Variants in TRMT9B observed in about 807,000 individuals in gnomAD.
TRMT9B encodes the protein probable tRNA methyltransferase 9B.
Under a neutral mutation model 11.5 loss-of-function variants are expected in TRMT9B, and 16 were observed. That is an observed-to-expected ratio of 1.39 (90% confidence interval 0.94 to 2.11). The LOEUF is 2.11. TRMT9B is among the 30% of genes most tolerant of loss of function. TRMT9B has a pLI of 0.00. For synonymous variants in TRMT9B, 274 were observed against 192.4 expected (o/e 1.42, Z -3.51); for missense variants, 941 against 553.8 (o/e 1.70, Z -7.02).
intron 1 of TRMT9B, among the ~76,000 whole-genome samples, chr8:12,975,926 C>G (rs1286052065): frequency 2.0e-5 from 3 of 152,072 alleles, no homozygotes; most frequent in South Asian, 4.1e-4. Context: ...GGGCAATAAA[C>G]AAGCATCAAC....
rs750378166 is a variant in TRMT9B at position 13,021,773 on chromosome 8, T to A, written c.1094T>A (p.Ile365Lys). Reference sequence around the variant, plus strand: ...GTGAATTGTGTGGATGCAGGCAACATAGAAGATGATAATCCTTCTGCTAGT... The same window carrying A: ...GTGAATTGTGTGGATGCAGGCAACAAAGAAGATGATAATCCTTCTGCTAGT... ...TGVNCVDAGN[I>K]EDDNPSASKI... The change falls in exon 5 of 5, where the codon ATA (isoleucine) becomes AAA (lysine). Residue 365 changes from isoleucine (I) to lysine (K), a missense_variant. Transcript: ENST00000524591. 22 of 1,613,806 alleles carry A rather than the reference T, an allele frequency of 1.4e-5. No individual in the cohort carries two copies. The highest frequency in any genetic ancestry group is 1.7e-5 in the Non-Finnish European group (20 of 1,179,890).
intron 1 of TRMT9B, among the ~76,000 whole-genome samples, chr8:12,990,398 T>C (rs1458118470): frequency 2.0e-5 from 3 of 152,124 alleles, no homozygotes; most frequent in African/African-American, 7.2e-5. Flanking sequence ...ATGTGAACAA[T>C]GATGAATAAC....
At chr8:12,953,686 G>C (rs1444236056) in intron 1 of TRMT9B, among the ~76,000 whole-genome samples, 1 of 152,208 alleles carries the variant, frequency 6.6e-6, no homozygotes, top group African/African-American at 2.4e-5. Context: ...CTCTGTCTTT[G>C]ATGGCTGGCT....
intron 1 of TRMT9B, among the ~76,000 whole-genome samples, chr8:12,971,207 T>C (rs563233649): frequency 5.3e-5 from 8 of 152,358 alleles, no homozygotes; most frequent in Non-Finnish European, 8.8e-5. Context: ...AATACTGGTA[T>C]TTATTTATTT....
chr8:13,023,159 A>T lies in TRMT9B; in HGVS notation c.*1115A>T, dbSNP rs1246464965. Reference sequence around the variant, plus strand: ...AGCAAGATTGTTATCAATCATGCTTATTAGAAGGATGAATATCCAAGACCA... The same window carrying T: ...AGCAAGATTGTTATCAATCATGCTTTTTAGAAGGATGAATATCCAAGACCA... On this transcript the variant is annotated 3_prime_UTR_variant, in exon 5 of 5. Transcript: ENST00000524591. The T allele has an allele frequency of 1.2e-5, 2 of 167,130 alleles. No individual in the cohort carries two copies. The highest frequency in any genetic ancestry group is 2.4e-5 in the African/African-American group (1 of 41,460). The allele number at this position is 167,130 out of a possible 1,614,324, so 10.4% of individuals were successfully genotyped here.
In TRMT9B at chr8:13,021,873, A is replaced by T. The variant is rs760026555; in HGVS notation, c.1194A>T (p.Pro398=). 1.2e-6 allele frequency: 2 copies of T among 1,613,922 alleles called. No individual in the cohort carries two copies. The highest frequency in any genetic ancestry group is 2.2e-5 in the South Asian group (2 of 91,082). ...ATGATACAATGTCTGTCGAAGATCC[A>T]CAGACTGATGTTTTGGACTCCACAG... The part of the protein sequence containing the change: ...NPDDTMSVED[P]QTDVLDSTAF... The change falls in exon 5 of 5, where the codon CCA becomes CCT. Residue 398 remains proline (P), a synonymous_variant. Transcript: ENST00000524591.
At chr8:12,994,569 T>G (rs1401726679) in intron 2 of TRMT9B, among the ~76,000 whole-genome samples, 4 of 152,242 alleles carry the variant, frequency 2.6e-5, no homozygotes, top group African/African-American at 9.6e-5. Flanking sequence ...TTTGCTACTT[T>G]CCCTGAAAAG....
intron 1 of TRMT9B, among the ~76,000 whole-genome samples, chr8:12,975,911 G>A (rs968242796): frequency 2.0e-5 from 3 of 152,132 alleles, no homozygotes; most frequent in Non-Finnish European, 4.4e-5. Flanking sequence ...AAGAGTAAAA[G>A]TTGGGGGCAA....
At chr8:12,963,538 C>A (rs893676373) in intron 1 of TRMT9B, among the ~76,000 whole-genome samples, 9 of 152,028 alleles carry the variant, frequency 5.9e-5, no homozygotes, top group Non-Finnish European at 1.3e-4. Context: ...TCGCTTGAGC[C>A]CAGGAATTCA....
In TRMT9B at chr8:13,027,702, A is replaced by G. The variant is rs550312958; in HGVS notation, c.*5658A>G. ...ATGCCATAATTGTAATCTTTCTCCA[A>G]AGAAAAATGCACGATACAGGCTTCA... On this transcript the variant is annotated 3_prime_UTR_variant, in exon 5 of 5. Coordinates refer to ENST00000524591, the MANE Select transcript of TRMT9B (RefSeq NM_020844.3). 7 of 167,212 alleles carry G rather than the reference A, an allele frequency of 4.2e-5. No individual in the cohort carries two copies. In the East Asian group the frequency reaches 1.4e-3, roughly 32 times the overall value. 10.4% of individuals were successfully genotyped at this position (167,212 alleles called of 1,614,324 possible). A position where few individuals can be genotyped will look rare whatever the true frequency, so the allele number is the denominator to read the frequency against.
intron 1 of TRMT9B, among the ~76,000 whole-genome samples, chr8:12,978,545 T>G (rs958553272): frequency 2.0e-5 from 3 of 151,778 alleles, no homozygotes; most frequent in Admixed American, 6.6e-5. Context: ...GATAGATAGA[T>G]AGATAGATAG....
At chr8:12,952,563 T>C (rs1800771324) in intron 1 of TRMT9B, 1 of 324,836 alleles carries the variant, frequency 3.1e-6, no homozygotes, top group Non-Finnish European at 4.4e-6. Flanking sequence ...ATTCGTATTT[T>C]TTCATGGAGT....
At chr8:12,983,345 G>T (rs1022618971) in intron 1 of TRMT9B, among the ~76,000 whole-genome samples, 15 of 152,210 alleles carry the variant, frequency 9.9e-5, no homozygotes, top group Admixed American at 2.0e-4. Context: ...TCTTAATGAG[G>T]CAGGTGACTC....
intron 1 of TRMT9B, among the ~76,000 whole-genome samples, chr8:12,988,762 T>C (rs1806784678): frequency 1.3e-5 from 2 of 152,162 alleles, no homozygotes; most frequent in African/African-American, 4.8e-5. Flanking sequence ...CAAGATGAGA[T>C]TTGGGTGGGG....
chr8:13,008,877 C>T (rs558276487), intron 3 of TRMT9B, among the ~76,000 whole-genome samples: 7 of 152,202 alleles, frequency 4.6e-5, no homozygotes, highest in East Asian at 1.9e-4. Context: ...TACAGTTGCC[C>T]GCCACCACGC....
Position 13,004,278 on chromosome 8 carries a change from C to G in TRMT9B, c.-1-1924C>G, listed in dbSNP as rs370546336. Among the ~76,000 whole-genome samples, 94 of 151,974 alleles carry G rather than the reference C, an allele frequency of 6.2e-4. 1 individual carries two copies. The highest frequency in any genetic ancestry group is 2.1e-3 in the African/African-American group (86 of 41,458). On this transcript the variant is annotated intron_variant, in intron 2 of 4. Transcript: ENST00000524591. ...AGGTGAGTCCTCCTGCTGAACTGGC[C>G]TCAGAGCCCGTGGACCAGGTGGGGA...
chr8:13,011,881 A>T, intron 3 of TRMT9B: 1 of 984,324 alleles, frequency 1.0e-6, no homozygotes, highest in South Asian at 4.7e-5. Flanking sequence ...AATTTTAAAA[A>T]TTTGAAAGGC....
At chr8:12,981,465 G>T (rs779322466) in intron 1 of TRMT9B, among the ~76,000 whole-genome samples, 5 of 152,178 alleles carry the variant, frequency 3.3e-5, no homozygotes, top group Non-Finnish European at 7.3e-5. Flanking sequence ...GACACAGAGG[G>T]TGACTTTTAG....
intron 1 of TRMT9B, among the ~76,000 whole-genome samples, chr8:12,947,727 C>T (rs1173408360): frequency 6.6e-6 from 1 of 152,230 alleles, no homozygotes; most frequent in South Asian, 2.1e-4. Flanking sequence ...AATGCCATAA[C>T]TTAAGAGACT....
Sources: allele counts gnomAD v4.1 joint callset (sites outside exome capture counted in the v4.1 genomes callset), GRCh38; gene constraint gnomAD v4.1.1; transcripts MANE v1.5; gene names NCBI Gene and HGNC (gene_info 2026-07-23, HGNC 2026-07-21).